Variants in CADPS observed in about 807,000 individuals in gnomAD.
CADPS encodes the protein calcium-dependent secretion activator 1.
CADPS carries 57 observed loss-of-function variants against 167.3 expected under a neutral mutation model. The observed-to-expected ratio is 0.34, with a 90% CI of 0.28 to 0.42. CADPS has a LOEUF of 0.42. CADPS is among the 20% of genes least tolerant of loss of function. The pLI, the probability that CADPS is intolerant of heterozygous loss-of-function variation, is 1.00. For synonymous variants in CADPS, 676 were observed against 635.3 expected, an observed-to-expected ratio of 1.06 and a Z score of -0.96; for missense variants, 1,414 against 1,738.1, an observed-to-expected ratio of 0.81 and a Z score of 3.32.
At chr3:62,712,520 A>T (rs1384619360) in intron 3 of CADPS, among the ~76,000 whole-genome samples, 1 of 151,948 alleles carries the variant, frequency 6.6e-6, no homozygotes, top group African/African-American at 2.4e-5. Flanking sequence ...CTCATTTTCT[A>T]TTTAGGTTAT....
intron 13 of CADPS, among the ~76,000 whole-genome samples, chr3:62,527,791 G>A (rs1381912106): frequency 6.6e-6 from 1 of 152,184 alleles, no homozygotes; most frequent in Non-Finnish European, 1.5e-5. Context: ...TCCGAATCTG[G>A]TTGTGAGATC....
chr3:62,694,860 C>G lies in CADPS; in HGVS notation c.889-32466G>C, dbSNP rs191931728. On this transcript the variant is annotated intron_variant, in intron 3 of 29. Transcript: ENST00000383710. ...GACACCACCCTAAAAAAATGGGACT[C>G]TGTCTTACAGAATGAAGTAGATGCC... Among the ~76,000 whole-genome samples, 208 of 152,176 alleles carry G rather than the reference C, an allele frequency of 1.4e-3. 3 individuals are homozygous for G. The highest frequency in any genetic ancestry group is 4.5e-3 in the African/African-American group (187 of 41,510).
chr3:62,685,685 G>C (rs1158778159), intron 3 of CADPS, among the ~76,000 whole-genome samples: 3 of 122,218 alleles, frequency 2.5e-5, no homozygotes, highest in Non-Finnish European at 5.1e-5. Context: ...TTTTCATCGG[G>C]GGGGTGGGGG....
At chr3:62,680,845 G>C (rs999050556) in intron 3 of CADPS, among the ~76,000 whole-genome samples, 1 of 152,046 alleles carries the variant, frequency 6.6e-6, no homozygotes, top group African/African-American at 2.4e-5. Flanking sequence ...TGGTGCTTGT[G>C]CTGGGAGTTT....
chr3:62,599,077 G>T (rs2059318720), intron 6 of CADPS, among the ~76,000 whole-genome samples: 1 of 152,050 alleles, frequency 6.6e-6, no homozygotes. Flanking sequence ...ACTGATTGTG[G>T]CTATTAAGAT....
chr3:62,410,041 C>T lies in CADPS; in HGVS notation c.3778-6856G>A, dbSNP rs151095840. ...AGTAAATCACTTTTAGCAACACACACACATACATATATACACACACACATA... is the reference window on the plus strand; with the variant it reads ...AGTAAATCACTTTTAGCAACACACATACATACATATATACACACACACATA... On this transcript the variant is annotated intron_variant, in intron 28 of 29. Transcript: ENST00000383710. Among the ~76,000 whole-genome samples, 733 of 152,242 alleles carry T rather than the reference C, an allele frequency of 4.8e-3. 8 individuals carry two copies. Among genetic ancestry groups the T allele is most frequent in the African/African-American group, 0.017 (693 of 41,536 alleles).
intron 13 of CADPS, 150 bp downstream of exon 13, chr3:62,532,720 TG>T (rs1553887294): frequency 1.4e-3 from 6 of 4,380 alleles, no homozygotes; most frequent in East Asian, 0.01. Context: ...GTGCCCTTTG[TG>T]TGTGTGTGTG....
intron 1 of CADPS, among the ~76,000 whole-genome samples, chr3:62,862,241 A>G (rs2080944314): frequency 6.8e-6 from 1 of 146,724 alleles, no homozygotes; most frequent in Admixed American, 6.8e-5. Context: ...TTTTTTAGAC[A>G]GAGTCTTGCT....
chr3:62,749,300 G>A (rs748855174), intron 3 of CADPS, among the ~76,000 whole-genome samples: 1 of 152,134 alleles, frequency 6.6e-6, no homozygotes, highest in Non-Finnish European at 1.5e-5. Context: ...TGACATAATC[G>A]CTCTTTGATA....
chr3:62,782,949 G>A (rs1267899424), intron 1 of CADPS, among the ~76,000 whole-genome samples: 1 of 151,938 alleles, frequency 6.6e-6, no homozygotes, highest in Non-Finnish European at 1.5e-5. Flanking sequence ...TAGTAGAGAT[G>A]GGGTTTTGCC....
chr3:62,794,280 A>G (rs955425359), intron 1 of CADPS, among the ~76,000 whole-genome samples: 1 of 152,162 alleles, frequency 6.6e-6, no homozygotes, highest in Admixed American at 6.5e-5. Flanking sequence ...CATTTGTTAT[A>G]ATAATTAAGT....
Position 62,465,181 on chromosome 3 carries a change from A to C in CADPS, c.3636+186T>G, listed in dbSNP as rs113256313. ...ATTGTACCTTTACAAATGAAATAGA[A>C]ATGATGTTGGATTACCTGCTGTTAT... On this transcript the variant is annotated intron_variant, in intron 26 of 29. Coordinates refer to ENST00000383710, the MANE Select transcript of CADPS (RefSeq NM_003716.4). This position sits in a 1 kb window ranked among gnomAD's most constrained non-coding sequence, Gnocchi z 4.1. Among the ~76,000 whole-genome samples the C allele has an allele frequency of 6.6e-6, 1 of 152,304 alleles. No homozygotes were observed. Among genetic ancestry groups the C allele is most frequent in the African/African-American group, 2.4e-5 (1 of 41,576 alleles).
intron 1 of CADPS, among the ~76,000 whole-genome samples, chr3:62,852,491 T>C (rs1289963775): frequency 6.6e-6 from 1 of 152,100 alleles, no homozygotes. Flanking sequence ...TTGCCCGGTG[T>C]CAAGTTCAAT....
intron 6 of CADPS, among the ~76,000 whole-genome samples, chr3:62,596,132 CACACACACACAT>C (rs1190290881): frequency 8.2e-5 from 10 of 122,216 alleles, no homozygotes; most frequent in Non-Finnish European, 1.6e-4. Context: ...CACACACACA[CACACACACACAT>C]ATCCTATTAG....
chr3:62,754,005 G>A (rs2083293424), intron 2 of CADPS, among the ~76,000 whole-genome samples: 1 of 152,108 alleles, frequency 6.6e-6, no homozygotes, highest in African/African-American at 2.4e-5. Flanking sequence ...TTACCAGGTT[G>A]GTGCAAGGAT....
intron 1 of CADPS, among the ~76,000 whole-genome samples, chr3:62,813,906 G>A (rs1274891934): frequency 1.3e-5 from 2 of 152,102 alleles, no homozygotes; most frequent in Admixed American, 6.6e-5. Flanking sequence ...CCAACACAGA[G>A]TAGAAGCTCA....
At chr3:62,515,365 C>T (rs1390339554) in intron 16 of CADPS, among the ~76,000 whole-genome samples, 1 of 79,790 alleles carries the variant, frequency 1.3e-5, no homozygotes, top group African/African-American at 2.9e-5. Context: ...TTAATACCTT[C>T]GTGGATGAAT....
Position 62,748,344 on chromosome 3 carries a change from C to CAAAAAAA in CADPS, c.888+5090_888+5096dup, listed in dbSNP as rs60942307. Among the ~76,000 whole-genome samples, 435 of 48,484 alleles carry CAAAAAAA rather than the reference C, an allele frequency of 9.0e-3. 51 individuals carry two copies. Among genetic ancestry groups the CAAAAAAA allele is most frequent in the Middle Eastern group, 0.031 (2 of 64 alleles). 31.8% of individuals were successfully genotyped at this position (48,484 alleles called of 152,430 possible). A position where few individuals can be genotyped will look rare whatever the true frequency, so the allele number is the denominator to read the frequency against. On this transcript the variant is annotated intron_variant, in intron 3 of 29. Transcript: ENST00000383710. Reference sequence around the variant, plus strand: ...CTGGGCGAGAAGCGAGACTCCGTCTCAAAAAAAAAAAAAAAAAAAAAAAAA... The same window carrying CAAAAAAA: ...CTGGGCGAGAAGCGAGACTCCGTCTCAAAAAAAAAAAAAAAAAAAAAAAAAAAAAAAA...
chr3:62,506,476 A>G (rs777678308), intron 17 of CADPS, among the ~76,000 whole-genome samples: 16 of 152,272 alleles, frequency 1.1e-4, no homozygotes, highest in Non-Finnish European at 2.2e-4. Context: ...AAAGAAATAT[A>G]ACACTCTTGT....
Sources: allele counts gnomAD v4.1 joint callset (sites outside exome capture counted in the v4.1 genomes callset), GRCh38; gene constraint gnomAD v4.1.1; non-coding constraint Gnocchi (gnomAD v3.1); transcripts MANE v1.5; gene names NCBI Gene and HGNC (gene_info 2026-07-23, HGNC 2026-07-21).